GLRA3: variants seen among roughly 807,000 people sequenced by gnomAD.
GLRA3 encodes glycine receptor subunit alpha-3.
GLRA3 carries 44 observed loss-of-function variants against 60.4 expected under a neutral mutation model. The observed-to-expected ratio is 0.73, with a 90% CI of 0.57 to 0.94. The LOEUF (loss-of-function observed/expected upper bound fraction) is 0.94, where lower values mean the gene tolerates loss of function less well. Ranked by LOEUF, GLRA3 falls within the 40% of genes least tolerant of loss-of-function variation. GLRA3 has a pLI of 0.00. For missense variants in GLRA3, 508 were observed against 564.6 expected (o/e 0.90, Z 1.02); for synonymous variants, 223 against 192.9 (o/e 1.16, Z -1.29).
chr4:174,781,237 G>A (rs1738856743), intron 2 of GLRA3, among the ~76,000 whole-genome samples: 1 of 151,358 alleles, frequency 6.6e-6, no homozygotes, highest in South Asian at 2.1e-4. Context: ...CGAAATGAAG[G>A]CAGAAATAAA....
At chr4:174,669,503 A>T (rs1733823751) in intron 7 of GLRA3, among the ~76,000 whole-genome samples, 2 of 152,174 alleles carry the variant, frequency 1.3e-5, no homozygotes, top group Non-Finnish European at 2.9e-5. Flanking sequence ...GTTCATGCTG[A>T]TTATCATAGT....
chr4:174,688,579 AGTGTGTGTGTGTGT>A (rs59653917), intron 5 of GLRA3, among the ~76,000 whole-genome samples: 3 of 133,934 alleles, frequency 2.2e-5, no homozygotes, highest in Admixed American at 7.6e-5. Context: ...GGAAGGAGGA[AGTGTGTGTGTGTGT>A]GTGTGTGTGT....
In GLRA3 at chr4:174,716,455, T is replaced by C. The variant is rs146540336; in HGVS notation, c.492-885A>G. ...TGGAAAAGCATTCTACCCAGATCTC[T>C]TCAGGGTAGTTTTTCTGGTTCCTAC... On this transcript the variant is annotated intron_variant, in intron 4 of 9. Coordinates refer to ENST00000274093, the MANE Select transcript of GLRA3 (RefSeq NM_006529.4). Among the ~76,000 whole-genome samples, 678 of 152,282 alleles carry C rather than the reference T, an allele frequency of 4.5e-3. 2 individuals are homozygous for C. Among genetic ancestry groups the C allele is most frequent in the African/African-American group, 0.016 (657 of 41,548 alleles).
intron 5 of GLRA3, among the ~76,000 whole-genome samples, chr4:174,695,433 C>T (rs184923121): frequency 4.6e-5 from 7 of 152,176 alleles, no homozygotes; most frequent in African/African-American, 1.7e-4. Flanking sequence ...ATTGGTTCAA[C>T]ATATGCAAAT....
At chr4:174,650,991 T>C (rs1410268168) in intron 9 of GLRA3, among the ~76,000 whole-genome samples, 1 of 152,236 alleles carries the variant, frequency 6.6e-6, no homozygotes, top group South Asian at 2.1e-4. Context: ...GTTCTTGCCC[T>C]TGGCTTCTGG....
At chr4:174,799,204 A>G (rs11932558) in intron 1 of GLRA3, among the ~76,000 whole-genome samples, 3,931 of 152,288 alleles carry the variant, frequency 0.026, 177 homozygotes, top group African/African-American at 0.089. Flanking sequence ...ATAATTACCT[A>G]TGGATTACAG....
At chr4:174,706,106 T>A (rs867455216) in intron 5 of GLRA3, among the ~76,000 whole-genome samples, 13 of 152,118 alleles carry the variant, frequency 8.5e-5, no homozygotes, top group Middle Eastern at 3.4e-3. Context: ...GGCGGGCACC[T>A]GTAGTCCCAG....
chr4:174,711,668 G>C (rs2111083563), intron 5 of GLRA3, among the ~76,000 whole-genome samples: 1 of 152,068 alleles, frequency 6.6e-6, no homozygotes, highest in East Asian at 1.9e-4. Context: ...TCAAACACCT[G>C]ACCTCAAGTG....
chr4:174,664,390 AC>A (rs1416418687), intron 7 of GLRA3, among the ~76,000 whole-genome samples: 1 of 152,066 alleles, frequency 6.6e-6, no homozygotes, highest in African/African-American at 2.4e-5. Flanking sequence ...AAGAATCTCT[AC>A]CAGACTACCA....
intron 3 of GLRA3, among the ~76,000 whole-genome samples, chr4:174,753,263 C>T (rs1465007295): frequency 6.6e-6 from 1 of 152,088 alleles, no homozygotes; most frequent in Non-Finnish European, 1.5e-5. Flanking sequence ...TGTGGGTAAC[C>T]TGGAAGTCTC....
At chr4:174,742,235 AC>A (rs1172685560) in intron 3 of GLRA3, among the ~76,000 whole-genome samples, 1 of 152,186 alleles carries the variant, frequency 6.6e-6, no homozygotes, top group Non-Finnish European at 1.5e-5. Flanking sequence ...ATGGATATTG[AC>A]CAAGGACTCA....
At chr4:174,645,755 A>G (rs1732790382) in intron 9 of GLRA3, among the ~76,000 whole-genome samples, 1 of 152,154 alleles carries the variant, frequency 6.6e-6, no homozygotes, top group Admixed American at 6.6e-5. Flanking sequence ...AAAATTGAAA[A>G]TCGATTTTCC....
chr4:174,757,885 G>C (rs1737780451), intron 3 of GLRA3, among the ~76,000 whole-genome samples: 1 of 152,130 alleles, frequency 6.6e-6, no homozygotes, highest in Non-Finnish European at 1.5e-5. Flanking sequence ...GTGGGGCCTG[G>C]TGGGAGATGT....
intron 1 of GLRA3, among the ~76,000 whole-genome samples, chr4:174,813,889 T>C (rs1424260521): frequency 6.6e-6 from 1 of 152,204 alleles, no homozygotes; most frequent in East Asian, 1.9e-4. Flanking sequence ...TCACATCTTC[T>C]GAAACAGATG....
intron 5 of GLRA3, among the ~76,000 whole-genome samples, chr4:174,694,169 G>A (rs1027472581): frequency 2.0e-5 from 3 of 152,174 alleles, no homozygotes. Context: ...GACAGTATTA[G>A]TCAGATCATC....
chr4:174,793,427 T>A (rs988257415), intron 1 of GLRA3, among the ~76,000 whole-genome samples: 1 of 131,850 alleles, frequency 7.6e-6, no homozygotes, highest in Non-Finnish European at 1.7e-5. Context: ...TACATTCATT[T>A]ATTTATTTAT....
chr4:174,721,815 A>ATG (rs1736141252), intron 4 of GLRA3, among the ~76,000 whole-genome samples: 1 of 149,862 alleles, frequency 6.7e-6, no homozygotes. Flanking sequence ...ATGAAAAAAT[A>ATG]TGTGTGTGTA....
intron 6 of GLRA3, among the ~76,000 whole-genome samples, chr4:174,681,297 T>C (rs192605716): frequency 3.3e-5 from 5 of 152,364 alleles, no homozygotes; most frequent in African/African-American, 1.2e-4. Flanking sequence ...AATTGATGTT[T>C]ATAACTTCAC....
chr4:174,716,739 C>A (rs7656851), intron 4 of GLRA3, among the ~76,000 whole-genome samples: 63,031 of 151,864 alleles, frequency 0.42, 13,321 homozygotes, highest in South Asian at 0.47. Context: ...GCAGTACATG[C>A]GTTAACACAC....
Sources: gnomAD v4.1 joint callset for allele counts (sites outside exome capture counted in the v4.1 genomes callset) on GRCh38, gnomAD v4.1.1 for gene constraint, MANE v1.5 for transcripts, NCBI Gene and HGNC (gene_info 2026-07-23, HGNC 2026-07-21) for gene names.